PPP1CB: variants seen among roughly 807,000 people sequenced by gnomAD.
PPP1CB encodes the protein serine/threonine-protein phosphatase PP1-beta catalytic subunit.
PPP1CB carries 2 observed loss-of-function variants against 43.7 expected under a neutral mutation model. The observed-to-expected ratio is 0.05, with a 90% CI of 0.02 to 0.14. PPP1CB has a LOEUF of 0.14. PPP1CB is among the 10% of genes least tolerant of loss of function. The pLI is 1.00. For synonymous variants in PPP1CB, 136 were observed against 135.6 expected (o/e 1.00, Z -0.02); for missense variants, 84 against 398.0 (o/e 0.21, Z 6.71).
intron 1 of PPP1CB, among the ~76,000 whole-genome samples, chr2:28,772,746 T>C (rs569220381): frequency 2.6e-5 from 4 of 152,354 alleles, no homozygotes; most frequent in Admixed American, 1.3e-4. Flanking sequence ...ATTTGTATTA[T>C]ACTTACCAGT....
intron 6 of PPP1CB, among the ~76,000 whole-genome samples, chr2:28,791,922 C>T (rs986689861): frequency 3.3e-5 from 5 of 152,084 alleles, no homozygotes; most frequent in African/African-American, 9.7e-5. Context: ...GAAATATTCC[C>T]TTTAAAAAAG....
intron 1 of PPP1CB, among the ~76,000 whole-genome samples, chr2:28,759,520 CAAAAAAAAAAA>C (rs559532367): frequency 8.2e-4 from 83 of 100,810 alleles, no homozygotes; most frequent in Admixed American, 1.3e-3. Flanking sequence ...ACTGCATCTC[CAAAAAAAAAAA>C]AAAAAAAAAA....
At chr2:28,764,524 T>C (rs968516558) in intron 1 of PPP1CB, among the ~76,000 whole-genome samples, 4 of 152,140 alleles carry the variant, frequency 2.6e-5, no homozygotes, top group Non-Finnish European at 5.9e-5. Flanking sequence ...TTTCTGCCTT[T>C]TTGTTGCTTA....
chr2:28,768,819 T>C (rs1666836745), intron 1 of PPP1CB, among the ~76,000 whole-genome samples: 1 of 151,898 alleles, frequency 6.6e-6, no homozygotes, highest in Non-Finnish European at 1.5e-5. Flanking sequence ...ATAGAAATTA[T>C]CTAGTGCTGA....
chr2:28,782,023 C>T (rs1373352575), intron 4 of PPP1CB, 181 bp downstream of exon 4: 10 of 638,240 alleles, frequency 1.6e-5, no homozygotes, highest in Middle Eastern at 4.2e-4. Context: ...TAAATGAAAA[C>T]GTAATGCTTC....
intron 3 of PPP1CB, among the ~76,000 whole-genome samples, chr2:28,780,016 G>A (rs1254461799): frequency 6.6e-6 from 1 of 151,952 alleles, no homozygotes; most frequent in Non-Finnish European, 1.5e-5. Context: ...AGTGAAAAAA[G>A]GCTGTATCAG....
At chr2:28,770,597 G>T (rs1666885777) in intron 1 of PPP1CB, among the ~76,000 whole-genome samples, 1 of 151,936 alleles carries the variant, frequency 6.6e-6, no homozygotes, top group East Asian at 1.9e-4. Flanking sequence ...TAAAAGGAAA[G>T]GTTGACAACT....
At chr2:28,789,808 A>G (rs890895174) in intron 6 of PPP1CB, among the ~76,000 whole-genome samples, 6 of 151,864 alleles carry the variant, frequency 4.0e-5, no homozygotes, top group Non-Finnish European at 8.8e-5. Context: ...CATGTTGGCC[A>G]GGCTGCCCTT....
At chr2:28,770,445 C>T (rs1558301839) in intron 1 of PPP1CB, among the ~76,000 whole-genome samples, 1 of 148,684 alleles carries the variant, frequency 6.7e-6, no homozygotes, top group Non-Finnish European at 1.5e-5. Flanking sequence ...TGAAAGCTGA[C>T]TTGGCTATAT....
chr2:28,759,613 A>T (rs1666592352), intron 1 of PPP1CB, among the ~76,000 whole-genome samples: 1 of 149,236 alleles, frequency 6.7e-6, no homozygotes, highest in East Asian at 2.0e-4. Flanking sequence ...TTATATATTT[A>T]CCTTTTTTTT....
rs113263779 is a variant in PPP1CB, at chr2:28,764,569, C to G, written c.53-12282C>G. Among the ~76,000 whole-genome samples, 68 of 151,234 alleles carry G rather than the reference C, an allele frequency of 4.5e-4. 1 individual carries two copies. The highest frequency in any genetic ancestry group is 1.6e-3 in the African/African-American group (65 of 41,126). On this transcript the variant is annotated intron_variant, in intron 1 of 7. Transcript: ENST00000395366. ...TTTTGTGCTAAATATGGAGAAAATG[C>G]TAGGAAAAAATTAGGATGTCTAGAT...
intron 1 of PPP1CB, among the ~76,000 whole-genome samples, chr2:28,769,629 G>A (rs1031253621): frequency 6.6e-6 from 1 of 152,164 alleles, no homozygotes; most frequent in Non-Finnish European, 1.5e-5. Flanking sequence ...CAATGGTAAG[G>A]ATAAATGTGA....
chr2:28,767,525 G>T (rs1005907419), intron 1 of PPP1CB, among the ~76,000 whole-genome samples: 1 of 152,122 alleles, frequency 6.6e-6, no homozygotes, highest in African/African-American at 2.4e-5. Context: ...AAATGTTGCA[G>T]TACAGCAATA....
chr2:28,768,381 C>T (rs1238071560), intron 1 of PPP1CB, among the ~76,000 whole-genome samples: 1 of 152,166 alleles, frequency 6.6e-6, no homozygotes, highest in Non-Finnish European at 1.5e-5. Flanking sequence ...AATCTAACCT[C>T]AAAATCTGCA....
intron 6 of PPP1CB, among the ~76,000 whole-genome samples, chr2:28,791,347 G>C (rs774288181): frequency 4.7e-5 from 7 of 150,350 alleles, no homozygotes; most frequent in Non-Finnish European, 8.9e-5. Flanking sequence ...TGTTTTTTTT[G>C]TGAGACAGAG....
intron 7 of PPP1CB, among the ~76,000 whole-genome samples, chr2:28,796,408 T>C (rs1047754543): frequency 6.6e-6 from 1 of 152,188 alleles, no homozygotes; most frequent in Non-Finnish European, 1.5e-5. Context: ...CAATATTGAT[T>C]CTTCTATCCA....
At chr2:28,797,281 C>T (rs188370311) in intron 7 of PPP1CB, among the ~76,000 whole-genome samples, 10 of 152,156 alleles carry the variant, frequency 6.6e-5, no homozygotes, top group East Asian at 1.9e-4. Context: ...ATGCTCACTT[C>T]GTAGACTGAG....
intron 4 of PPP1CB, chr2:28,782,709 C>T (rs991792031): frequency 2.6e-5 from 4 of 152,068 alleles, no homozygotes; most frequent in Admixed American, 1.3e-4. Context: ...TATTGAGCAA[C>T]GGAGTTTGTT....
At position 28,787,402 on chromosome 2, in the gene PPP1CB, T is replaced by C. The variant is rs144439740; in HGVS notation, c.593-1256T>C. On this transcript the variant is annotated intron_variant, in intron 5 of 7. Transcript: ENST00000395366. ...TGAACCCGGGAGGCAGAGTTTGCAG[T>C]GAGCAGAGATTGCACCACTGCATCC... is the stretch of plus-strand genomic sequence containing the variant. Among the ~76,000 whole-genome samples, 532 of 152,294 alleles carry C rather than the reference T, an allele frequency of 3.5e-3. 3 individuals are homozygous for C. The highest frequency in any genetic ancestry group is 0.012 in the African/African-American group (503 of 41,552).
Sources: gnomAD v4.1 joint callset for allele counts (sites outside exome capture counted in the v4.1 genomes callset) on GRCh38, gnomAD v4.1.1 for gene constraint, MANE v1.5 for transcripts, NCBI Gene and HGNC (gene_info 2026-07-23, HGNC 2026-07-21) for gene names.